The following C8A variants were observed in gnomAD, a reference collection of about 807,000 sequenced individuals.
C8A encodes the protein complement component C8 alpha chain.
In C8A, 67 loss-of-function variants were observed where a neutral mutation model predicts 65.3. That is an observed-to-expected ratio of 1.03 (90% CI 0.84 to 1.26). The LOEUF (loss-of-function observed/expected upper bound fraction) is 1.26, where lower values mean the gene tolerates loss of function less well. Ranked by LOEUF, C8A falls within the 50% of genes most tolerant of loss-of-function variation. The pLI, the probability that C8A is intolerant of heterozygous loss-of-function variation, is 0.00. For missense variants in C8A, 781 were observed against 723.9 expected, an observed-to-expected ratio of 1.08 and a Z score of -0.90; for synonymous variants, 290 against 259.4, an observed-to-expected ratio of 1.12 and a Z score of -1.13.
chr1:56,868,081 G>A (rs1570317241), intron 2 of C8A, among the ~76,000 whole-genome samples: 3 of 152,002 alleles, frequency 2.0e-5, no homozygotes, highest in East Asian at 3.9e-4. Flanking sequence ...GATAATCCAA[G>A]GGATATCCCA....
chr1:56,863,247 A>G (rs1327003251), intron 1 of C8A, among the ~76,000 whole-genome samples: 1 of 152,228 alleles, frequency 6.6e-6, no homozygotes. Context: ...TCATCAAAAA[A>G]TGAACTACAT....
chr1:56,874,836 G>A, intron 2 of C8A, 113 bp from the exon 3 acceptor site: 1 of 1,165,406 alleles, frequency 8.6e-7, no homozygotes, highest in Non-Finnish European at 1.2e-6. Flanking sequence ...TCACAGGCAG[G>A]TCTCAATCAT....
intron 2 of C8A, among the ~76,000 whole-genome samples, chr1:56,868,191 G>A (rs1289980231): frequency 6.6e-6 from 1 of 151,934 alleles, no homozygotes; most frequent in East Asian, 1.9e-4. Flanking sequence ...GTTTTGAATA[G>A]TTCAAAATGA....
chr1:56,867,718 C>G lies in C8A; in HGVS notation c.171+16C>G, dbSNP rs1644104846. The G allele has an allele frequency of 6.3e-7, 1 of 1,591,370 alleles. No individual in the cohort carries two copies. Among genetic ancestry groups the G allele is most frequent in the Middle Eastern group, 1.7e-4 (1 of 6,038 alleles). On this transcript the variant is annotated intron_variant, in intron 2 of 10. Coordinates refer to ENST00000361249, the MANE Select transcript of C8A (RefSeq NM_000562.3). ...GGACAAAAAGGTGAGACACTTACAA[C>G]CGGTTTGGGGGCATTTCATATTTGA...
rs569104534 is a variant in C8A at position 56,900,705 on chromosome 1, C to T, written c.1097-5962C>T. On this transcript the variant is annotated intron_variant, in intron 7 of 10. Coordinates refer to ENST00000361249, the MANE Select transcript of C8A (RefSeq NM_000562.3). ...TTTGCATCTTCAATTAAAGAAAGACCTATGACTCCTAGAACGTTTTAGAGG... is the reference window on the plus strand; with the variant it reads ...TTTGCATCTTCAATTAAAGAAAGACTTATGACTCCTAGAACGTTTTAGAGG... Among the ~76,000 whole-genome samples the T allele has an allele frequency of 7.2e-5, 11 of 152,260 alleles. No homozygotes were observed. In the South Asian group the frequency reaches 1.9e-3, roughly 26 times the overall value.
In C8A at chr1:56,895,852, G is replaced by A. The variant is rs539670617; in HGVS notation, c.1096+9685G>A. The stretch of plus-strand genomic sequence containing the variant: ...TAGTCCCGGCTACTTGGGAGGATGA[G>A]GTGGGAGGATCACTTGAGCCTGGGA... On this transcript the variant is annotated intron_variant, in intron 7 of 10. Coordinates refer to ENST00000361249, the MANE Select transcript of C8A (RefSeq NM_000562.3). 1.1e-4 allele frequency among the ~76,000 whole-genome samples: 17 copies of A among 152,226 alleles called. 1 individual carries two copies. In the South Asian group the frequency reaches 3.5e-3, roughly 32 times the overall value.
intron 7 of C8A, among the ~76,000 whole-genome samples, chr1:56,899,496 CATG>C (rs1644410694): frequency 6.6e-6 from 1 of 152,158 alleles, no homozygotes; most frequent in Admixed American, 6.5e-5. Flanking sequence ...CCTATTGTGG[CATG>C]ATGTGTGAAC....
chr1:56,912,589 A>G lies in C8A; in HGVS notation c.1567A>G (p.Ser523Gly), dbSNP rs1043506529. The G allele has an allele frequency of 6.2e-7, 1 of 1,614,212 alleles. No individual in the cohort carries two copies. The highest frequency in any genetic ancestry group is 8.5e-7 in the Non-Finnish European group (1 of 1,180,038). ...TSCRCQCRLG[S>G]LGAACEQTQT... ...CTGCAGGTGCCAGTGCCGCCTGGGT[A>G]GCTTGGGTGCTGCCTGTGAGCAAAC... Residue 523 changes from serine (S) to glycine (G), a missense_variant, in exon 10 of 11, where the codon AGC becomes GGC. Physicochemically the swap from Ser to Gly is moderately conservative, Grantham distance 56. Coordinates refer to ENST00000361249, the MANE Select transcript of C8A (RefSeq NM_000562.3).
At chr1:56,856,626 C>T (rs1012053726) in intron 1 of C8A, among the ~76,000 whole-genome samples, 2 of 152,014 alleles carry the variant, frequency 1.3e-5, no homozygotes, top group African/African-American at 4.8e-5. Context: ...ACATTGAAAA[C>T]ATATTATATA....
At chr1:56,868,488 C>T (rs1296654951) in intron 2 of C8A, among the ~76,000 whole-genome samples, 5 of 151,834 alleles carry the variant, frequency 3.3e-5, no homozygotes, top group Non-Finnish European at 7.4e-5. Context: ...CATGACAGTG[C>T]ACACCCACAG....
chr1:56,865,868 T>A (rs1162823771), intron 1 of C8A, among the ~76,000 whole-genome samples: 5 of 152,206 alleles, frequency 3.3e-5, no homozygotes, highest in Non-Finnish European at 5.9e-5. Flanking sequence ...CATTAATATT[T>A]GTAAGGCACA....
Position 56,869,686 on chromosome 1 carries a change from G to C in C8A, c.171+1984G>C, listed in dbSNP as rs58644655. On this transcript the variant is annotated intron_variant, in intron 2 of 10. Transcript: ENST00000361249. ...TCCATGTCAACATCTATTATGTTTT[G>C]ATTTTTTAATTATGGCCATTCTTTC... is the stretch of plus-strand genomic sequence containing the variant. 4.3e-3 allele frequency among the ~76,000 whole-genome samples: 647 copies of C among 152,184 alleles called. 9 individuals carry two copies. The highest frequency in any genetic ancestry group is 0.015 in the African/African-American group (608 of 41,526).
chr1:56,883,348 T>A (rs1644262787), intron 5 of C8A, 133 bp from the exon 6 acceptor site: 2 of 738,092 alleles, frequency 2.7e-6, no homozygotes, highest in South Asian at 3.3e-5. Context: ...AATGACTGGA[T>A]TGCCTTATAA....
At position 56,908,102 on chromosome 1, in the gene C8A, A is replaced by T; in HGVS notation, c.1369A>T (p.Ile457Phe). The change falls in exon 9 of 11, where the codon ATC (isoleucine) becomes TTC (phenylalanine). Residue 457 changes from isoleucine (I) to phenylalanine (F), a missense_variant. Ile to Phe is a conservative substitution (Grantham distance 21). Transcript: ENST00000361249. ...GRSLKYNPVV[I>F]DFEMQPIHEV... ...GTCATTAAAGTATAATCCTGTTGTT[A>T]TCGATTTTGAGGTAAGTCTTTTCGC... 6.2e-7 allele frequency: 1 copy of T among 1,614,124 alleles called. No homozygotes were observed.
At chr1:56,903,862 A>G (rs1016291543) in intron 7 of C8A, among the ~76,000 whole-genome samples, 1 of 152,174 alleles carries the variant, frequency 6.6e-6, no homozygotes, top group Non-Finnish European at 1.5e-5. Flanking sequence ...TATTTTTCAA[A>G]AGTACTCCAG....
At chr1:56,860,580 G>A (rs537134528) in intron 1 of C8A, among the ~76,000 whole-genome samples, 3 of 152,288 alleles carry the variant, frequency 2.0e-5, no homozygotes, top group African/African-American at 4.8e-5. Flanking sequence ...TGGCCCACAG[G>A]AAGGCATAAC....
At chr1:56,867,573 T>G in intron 1 of C8A, 36 bp from the exon 2 acceptor site, 3 of 1,485,008 alleles carry the variant, frequency 2.0e-6, no homozygotes, top group Non-Finnish European at 2.8e-6. Context: ...AAATTTTGCA[T>G]CTCAAAATTG....
intron 5 of C8A, 111 bp downstream of exon 5, chr1:56,881,745 G>A: frequency 9.5e-7 from 1 of 1,055,006 alleles, no homozygotes; most frequent in Non-Finnish European, 1.4e-6. Context: ...TATAAAGTTT[G>A]CTGGTGTCTG....
intron 1 of C8A, among the ~76,000 whole-genome samples, chr1:56,861,611 T>A (rs706471): frequency 0.013 from 1,954 of 152,214 alleles, 45 homozygotes; most frequent in African/African-American, 0.045. Context: ...ACTCATGCAA[T>A]CAACATGAGT....
Sources: allele counts gnomAD v4.1 joint callset (sites outside exome capture counted in the v4.1 genomes callset), GRCh38; gene constraint gnomAD v4.1.1; transcripts MANE v1.5; gene names NCBI Gene and HGNC (gene_info 2026-07-23, HGNC 2026-07-21).